DSCAM: variants seen among roughly 807,000 people sequenced by gnomAD.
DSCAM encodes DS cell adhesion molecule, also known as cell adhesion molecule DSCAM.
DSCAM carries 47 observed loss-of-function variants against 217.7 expected under a neutral mutation model. The ratio of observed to expected loss-of-function variants is 0.22; its 90% CI spans 0.17 to 0.28. The LOEUF (loss-of-function observed/expected upper bound fraction) is 0.28, where lower values mean the gene tolerates loss of function less well. Among genes scored for constraint, DSCAM ranks in the 10% least tolerant of loss-of-function variants. The probability of loss-of-function intolerance (pLI) is 1.00; values close to 1 mark genes in which losing one functional copy is unlikely to be tolerated. For missense variants in DSCAM, 2,080 were observed against 2,618.3 expected (o/e 0.79, Z 4.49); for synonymous variants, 1,056 against 1,015.3 (o/e 1.04, Z -0.76).
intron 3 of DSCAM, among the ~76,000 whole-genome samples, chr21:40,554,453 G>T (rs974006032): frequency 6.6e-6 from 1 of 152,042 alleles, no homozygotes; most frequent in Non-Finnish European, 1.5e-5. Context: ...AGCCTTTCAG[G>T]GACCCCTCAA....
intron 3 of DSCAM, among the ~76,000 whole-genome samples, chr21:40,650,412 C>T (rs1046384732): frequency 6.6e-6 from 1 of 152,210 alleles, no homozygotes; most frequent in African/African-American, 2.4e-5. Context: ...GCCCAGATAA[C>T]TGGTTAAACA....
Position 40,561,576 on chromosome 21 carries a change from C to A in DSCAM, c.508+131234G>T, listed in dbSNP as rs149189149. Reference sequence around the variant, plus strand: ...TTCATTCAGTGATACCCCATTTCCTCTATTTTCCTCTGGCTTTTCTTCAAA... The same window carrying A: ...TTCATTCAGTGATACCCCATTTCCTATATTTTCCTCTGGCTTTTCTTCAAA... On this transcript the variant is annotated intron_variant, in intron 3 of 32. Transcript: ENST00000400454. 1.1e-4 allele frequency among the ~76,000 whole-genome samples: 16 copies of A among 152,338 alleles called. No individual in the cohort carries two copies. In the East Asian group the frequency reaches 2.5e-3, roughly 24 times the overall value.
intron 10 of DSCAM, among the ~76,000 whole-genome samples, chr21:40,281,268 GAAGC>G (rs1392342144): frequency 1.3e-5 from 2 of 152,228 alleles, no homozygotes; most frequent in Non-Finnish European, 2.9e-5. Flanking sequence ...TGGGATGGTA[GAAGC>G]ACTGAAGTTC....
At chr21:40,381,572 G>T (rs1254442881) in intron 3 of DSCAM, among the ~76,000 whole-genome samples, 1 of 152,210 alleles carries the variant, frequency 6.6e-6, no homozygotes, top group African/African-American at 2.4e-5. Flanking sequence ...CCTGGTCTGT[G>T]TTAGCAACCC....
intron 9 of DSCAM, among the ~76,000 whole-genome samples, chr21:40,310,336 C>T (rs2074124023): frequency 6.6e-6 from 1 of 152,226 alleles, no homozygotes; most frequent in African/African-American, 2.4e-5. Context: ...TTCTACAGAA[C>T]TGTCTGGATT....
chr21:40,738,670 C>A (rs2091089648), intron 1 of DSCAM, among the ~76,000 whole-genome samples: 1 of 152,160 alleles, frequency 6.6e-6, no homozygotes, highest in African/African-American at 2.4e-5. Context: ...GGGCCCCACC[C>A]CAGAGAATCT....
At chr21:40,617,900 A>G (rs1465855661) in intron 3 of DSCAM, among the ~76,000 whole-genome samples, 1 of 152,242 alleles carries the variant, frequency 6.6e-6, no homozygotes, top group Non-Finnish European at 1.5e-5. Flanking sequence ...AATGCCAGAC[A>G]GAGGACGGGT....
At chr21:40,357,371 C>G (rs2074704989) in intron 4 of DSCAM, among the ~76,000 whole-genome samples, 1 of 152,148 alleles carries the variant, frequency 6.6e-6, no homozygotes, top group South Asian at 2.1e-4. Flanking sequence ...ACCAAGAATC[C>G]AGAAAAATGG....
At chr21:40,403,001 T>TA (rs2075250745) in intron 3 of DSCAM, among the ~76,000 whole-genome samples, 1 of 151,824 alleles carries the variant, frequency 6.6e-6, no homozygotes, top group Non-Finnish European at 1.5e-5. Flanking sequence ...AGTAATTCCC[T>TA]ATTCTGGCTC....
At position 40,154,398 on chromosome 21, in the gene DSCAM, C is replaced by T. The variant is rs1265919215; in HGVS notation, c.3019-9667G>A. Among the ~76,000 whole-genome samples the T allele has an allele frequency of 2.6e-5, 4 of 152,098 alleles. No individual in the cohort carries two copies. In the East Asian group the frequency reaches 7.7e-4, roughly 29 times the overall value. ...CCTCCTGAGTACCTGGGATCACAGA[C>T]ATGTCACCATACCCGGCAAATTTTT... On this transcript the variant is annotated intron_variant, in intron 16 of 32. Transcript: ENST00000400454.
chr21:40,029,098 AGAAATAG>A (rs2088465232), intron 32 of DSCAM, among the ~76,000 whole-genome samples: 1 of 152,216 alleles, frequency 6.6e-6, no homozygotes, highest in African/African-American at 2.4e-5. Context: ...TATTCTTTTG[AGAAATAG>A]CTGCAAAGTT....
chr21:40,621,125 C>A (rs1381038620), intron 3 of DSCAM: 1 of 152,072 alleles, frequency 6.6e-6, no homozygotes, highest in Non-Finnish European at 1.5e-5. Flanking sequence ...TTGGGTGTCC[C>A]ACAGAAACAT....
chr21:40,408,698 C>T (rs926228491), intron 3 of DSCAM, among the ~76,000 whole-genome samples: 9 of 152,228 alleles, frequency 5.9e-5, no homozygotes, highest in East Asian at 3.9e-4. Flanking sequence ...TTTCCTTCCC[C>T]GAGCCCACTC....
chr21:40,739,891 C>T (rs2091105361), intron 1 of DSCAM, among the ~76,000 whole-genome samples: 1 of 145,932 alleles, frequency 6.9e-6, no homozygotes, highest in Non-Finnish European at 1.5e-5. Context: ...TTTCAATATT[C>T]AGTCCATCAT....
intron 15 of DSCAM, among the ~76,000 whole-genome samples, chr21:40,173,771 G>A (rs1489526073): frequency 6.6e-6 from 1 of 152,120 alleles, no homozygotes; most frequent in Non-Finnish European, 1.5e-5. Context: ...GAAAGATGAG[G>A]CAAGGACTTA....
chr21:40,524,659 G>A (rs1286852317), intron 3 of DSCAM, among the ~76,000 whole-genome samples: 2 of 151,986 alleles, frequency 1.3e-5, no homozygotes, highest in African/African-American at 2.4e-5. Context: ...ATAGACTCAG[G>A]GAAAACTTTT....
rs995688165 is a variant in DSCAM at position 40,652,356 on chromosome 21, A to C, written c.508+40454T>G. On this transcript the variant is annotated intron_variant, in intron 3 of 32. Coordinates refer to ENST00000400454, the MANE Select transcript of DSCAM (RefSeq NM_001389.5). ...AAAACAACAACAACAACAAAAAAAA[A>C]AAAAAACAACTTCTAGCTATAAGAA... is the stretch of plus-strand genomic sequence containing the variant. Among the ~76,000 whole-genome samples, 24 of 152,160 alleles carry C rather than the reference A, an allele frequency of 1.6e-4. No individual in the cohort carries two copies. In the South Asian group the frequency reaches 1.7e-3, roughly 11 times the overall value.
chr21:40,745,651 G>A (rs1471810334), intron 1 of DSCAM, among the ~76,000 whole-genome samples: 2 of 152,144 alleles, frequency 1.3e-5, no homozygotes, highest in African/African-American at 4.8e-5. Flanking sequence ...TACAAGAAAT[G>A]CTGACAAGAG....
chr21:40,066,803 A>G (rs969811883), intron 27 of DSCAM, among the ~76,000 whole-genome samples: 10 of 152,180 alleles, frequency 6.6e-5, no homozygotes, highest in African/African-American at 2.2e-4. Flanking sequence ...CTTATTAATC[A>G]GCCCTGTCAA....
Sources: gnomAD v4.1 joint callset for allele counts (sites outside exome capture counted in the v4.1 genomes callset) on GRCh38, gnomAD v4.1.1 for gene constraint, MANE v1.5 for transcripts, NCBI Gene and HGNC (gene_info 2026-07-23, HGNC 2026-07-21) for gene names.